The following TMEM135 variants were observed in gnomAD, a reference collection of about 807,000 sequenced individuals.
TMEM135 encodes transmembrane protein 135.
A neutral mutation model predicts 60.3 loss-of-function variants in TMEM135; 30 were observed. The ratio of observed to expected loss-of-function variants is 0.50; its 90% confidence interval spans 0.37 to 0.68. The LOEUF (loss-of-function observed/expected upper bound fraction) is 0.68, where lower values mean the gene tolerates loss of function less well. Among genes scored for constraint, TMEM135 ranks in the 30% least tolerant of loss-of-function variants. TMEM135 has a pLI of 0.00. For missense variants in TMEM135, 468 were observed against 548.8 expected, an observed-to-expected ratio of 0.85 and a Z score of 1.47; for synonymous variants, 190 against 186.7, an observed-to-expected ratio of 1.02 and a Z score of -0.14.
chr11:87,135,742 A>G (rs1938079122), intron 4 of TMEM135, among the ~76,000 whole-genome samples: 2 of 151,984 alleles, frequency 1.3e-5, no homozygotes, highest in East Asian at 1.9e-4. Flanking sequence ...TTTCCATGTA[A>G]ATTTTAGAAC....
chr11:87,202,604 C>T (rs982540951), intron 5 of TMEM135, among the ~76,000 whole-genome samples: 1 of 151,848 alleles, frequency 6.6e-6, no homozygotes, highest in African/African-American at 2.4e-5. Flanking sequence ...AATGGCAAAT[C>T]ATATGTGTGT....
chr11:87,068,156 C>G (rs1856703262), intron 2 of TMEM135, among the ~76,000 whole-genome samples: 1 of 152,138 alleles, frequency 6.6e-6, no homozygotes, highest in South Asian at 2.1e-4. Context: ...AAGCAACTGT[C>G]TATGACATGG....
At chr11:87,168,457 C>T (rs1362092258) in intron 5 of TMEM135, among the ~76,000 whole-genome samples, 1 of 152,098 alleles carries the variant, frequency 6.6e-6, no homozygotes, top group Admixed American at 6.6e-5. Context: ...TATAAATTTC[C>T]CTCTAAAGAC....
At chr11:87,270,252 G>A (rs1941837965) in intron 6 of TMEM135, among the ~76,000 whole-genome samples, 1 of 151,026 alleles carries the variant, frequency 6.6e-6, no homozygotes, top group African/African-American at 2.4e-5. Context: ...TTAGCCCTTT[G>A]TCAGATGAGT....
intron 3 of TMEM135, among the ~76,000 whole-genome samples, chr11:87,079,377 C>T (rs984699063): frequency 1.3e-5 from 2 of 152,256 alleles, no homozygotes; most frequent in South Asian, 2.1e-4. Flanking sequence ...AATTAATTTT[C>T]GTCGGTAGTG....
At chr11:87,044,369 A>G (rs1461500791) in intron 1 of TMEM135, among the ~76,000 whole-genome samples, 3 of 152,110 alleles carry the variant, frequency 2.0e-5, no homozygotes. Context: ...CAATGAGACT[A>G]AAAAGTTTTT....
At chr11:87,257,849 A>G (rs1941560427) in intron 6 of TMEM135, among the ~76,000 whole-genome samples, 1 of 152,128 alleles carries the variant, frequency 6.6e-6, no homozygotes. Flanking sequence ...TACAGTTTAG[A>G]TAGTGAATTG....
rs75520519 is a variant in TMEM135, at chr11:87,077,747, C to T, written c.362+6132C>T. Reference sequence around the variant, plus strand: ...AATAGAAACCCCTTTAACTGTCACCCCCTAATCCTTCATCCTCCTCACCCA... The same window carrying T: ...AATAGAAACCCCTTTAACTGTCACCTCCTAATCCTTCATCCTCCTCACCCA... On this transcript the variant is annotated intron_variant, in intron 3 of 14. Transcript: ENST00000305494. 9.7e-3 allele frequency among the ~76,000 whole-genome samples: 1,476 copies of T among 152,262 alleles called. 28 individuals carry two copies. The highest frequency in any genetic ancestry group is 0.034 in the African/African-American group (1,417 of 41,548).
intron 6 of TMEM135, among the ~76,000 whole-genome samples, chr11:87,255,050 A>C (rs2135395344): frequency 6.6e-6 from 1 of 152,302 alleles, no homozygotes; most frequent in South Asian, 2.1e-4. Context: ...TAATGATTTA[A>C]AGTGGGGCTT....
At chr11:87,085,931 C>T in intron 3 of TMEM135, among the ~76,000 whole-genome samples, 1 of 152,222 alleles carries the variant, frequency 6.6e-6, no homozygotes, top group South Asian at 2.1e-4. Context: ...GATTCTTGGT[C>T]TTCAATAGAG....
At chr11:87,198,824 G>GA (rs778123118) in intron 5 of TMEM135, among the ~76,000 whole-genome samples, 4 of 151,928 alleles carry the variant, frequency 2.6e-5, no homozygotes, top group Non-Finnish European at 5.9e-5. Flanking sequence ...AAGATGCTTA[G>GA]AAATGAAGAA....
intron 4 of TMEM135, among the ~76,000 whole-genome samples, chr11:87,149,515 C>T (rs980182353): frequency 6.6e-6 from 1 of 152,200 alleles, no homozygotes; most frequent in African/African-American, 2.4e-5. Flanking sequence ...TCTTTTAACA[C>T]AGACAACAGA....
At chr11:87,228,116 A>AAGT (rs1940804945) in intron 5 of TMEM135, among the ~76,000 whole-genome samples, 1 of 152,202 alleles carries the variant, frequency 6.6e-6, no homozygotes, top group Admixed American at 6.5e-5. Context: ...CTATAGGATG[A>AAGT]AGTGTAAATA....
intron 5 of TMEM135, among the ~76,000 whole-genome samples, chr11:87,162,702 G>A (rs1441286677): frequency 1.3e-5 from 2 of 152,134 alleles, no homozygotes; most frequent in African/African-American, 4.8e-5. Context: ...TGTCTTTATA[G>A]TAGAGTGATT....
At chr11:87,257,648 T>C (rs1941555674) in intron 6 of TMEM135, among the ~76,000 whole-genome samples, 2 of 152,252 alleles carry the variant, frequency 1.3e-5, no homozygotes, top group African/African-American at 4.8e-5. Flanking sequence ...TTTATATGAT[T>C]CTATTTATCA....
At chr11:87,223,669 A>G (rs888886695) in intron 5 of TMEM135, among the ~76,000 whole-genome samples, 7 of 109,226 alleles carry the variant, frequency 6.4e-5, no homozygotes, top group Non-Finnish European at 1.5e-4. Flanking sequence ...ACATGCACGC[A>G]CACACACACA....
intron 5 of TMEM135, among the ~76,000 whole-genome samples, chr11:87,209,680 A>C (rs1279506494): frequency 1.3e-5 from 2 of 152,138 alleles, no homozygotes; most frequent in Admixed American, 1.3e-4. Flanking sequence ...CAACACGACC[A>C]GTTGTACCCC....
chr11:87,220,351 A>G (rs1391936320), intron 5 of TMEM135, among the ~76,000 whole-genome samples: 2 of 152,220 alleles, frequency 1.3e-5, no homozygotes, highest in Admixed American at 1.3e-4. Flanking sequence ...AACACACTAA[A>G]AAGAGTACAT....
intron 6 of TMEM135, among the ~76,000 whole-genome samples, chr11:87,255,992 T>G (rs769530116): frequency 4.6e-5 from 7 of 152,210 alleles, no homozygotes; most frequent in Non-Finnish European, 7.3e-5. Flanking sequence ...ACTTTTTAAC[T>G]TTATAATGAA....
Sources: gnomAD v4.1 joint callset for allele counts (sites outside exome capture counted in the v4.1 genomes callset) on GRCh38, gnomAD v4.1.1 for gene constraint, MANE v1.5 for transcripts, NCBI Gene and HGNC (gene_info 2026-07-23, HGNC 2026-07-21) for gene names.